The following EYS variants were observed in gnomAD, a reference collection of about 807,000 sequenced individuals.
EYS encodes protein eyes shut homolog.
In EYS, 250 loss-of-function variants were observed where a neutral mutation model predicts 282.1. The ratio of observed to expected loss-of-function variants is 0.89; its 90% CI spans 0.80 to 0.98. The LOEUF (loss-of-function observed/expected upper bound fraction) is 0.98. EYS is among the 50% of genes least tolerant of loss of function. The pLI, the probability that EYS is intolerant of heterozygous loss-of-function variation, is 0.00. For missense variants in EYS, 4,016 were observed against 3,709.0 expected (o/e 1.08, Z -2.15); for synonymous variants, 1,355 against 1,282.9 (o/e 1.06, Z -1.20).
At chr6:64,955,720 C>T (rs1769680968) in intron 14 of EYS, among the ~76,000 whole-genome samples, 1 of 152,154 alleles carries the variant, frequency 6.6e-6, no homozygotes, top group Non-Finnish European at 1.5e-5. Flanking sequence ...ATGGTCTACT[C>T]CAGATATGCA....
In EYS at chr6:64,435,276, C is replaced by G. The variant is rs560584786; in HGVS notation, c.5927+898G>C. ...GGGAGTAGATATGATGTAGGCTTTCCTCAATTTATTTGATGATACATTATT... is the reference window on the plus strand; with the variant it reads ...GGGAGTAGATATGATGTAGGCTTTCGTCAATTTATTTGATGATACATTATT... On this transcript the variant is annotated intron_variant, in intron 28 of 42. Coordinates refer to ENST00000503581, the MANE Select transcript of EYS (RefSeq NM_001142800.2). Among the ~76,000 whole-genome samples, 4 of 151,680 alleles carry G rather than the reference C, an allele frequency of 2.6e-5. No homozygotes were observed. The South Asian group carries it at 8.3e-4, about 32-fold the overall frequency.
At chr6:64,491,556 T>C (rs548573303) in intron 26 of EYS, among the ~76,000 whole-genome samples, 9 of 151,192 alleles carry the variant, frequency 6.0e-5, no homozygotes, top group Non-Finnish European at 1.0e-4. Flanking sequence ...TACATTTCTT[T>C]GTGCCAGTAC....
intron 22 of EYS, among the ~76,000 whole-genome samples, chr6:64,690,782 G>A (rs561276214): frequency 6.6e-6 from 1 of 151,774 alleles, no homozygotes; most frequent in East Asian, 1.9e-4. Flanking sequence ...TGAATAATGA[G>A]AACACTTGGA....
chr6:63,849,463 C>T (rs1325191156), intron 36 of EYS, among the ~76,000 whole-genome samples: 1 of 152,094 alleles, frequency 6.6e-6, no homozygotes, highest in Non-Finnish European at 1.5e-5. Flanking sequence ...GTCTGGTGCC[C>T]CTCTGGGATG....
At chr6:63,960,948 T>A (rs1766031309) in intron 35 of EYS, among the ~76,000 whole-genome samples, 1 of 152,168 alleles carries the variant, frequency 6.6e-6, no homozygotes, top group Admixed American at 6.6e-5. Flanking sequence ...CCAAGGTATG[T>A]CTGTAAATAA....
chr6:65,309,161 C>G (rs567355555), intron 11 of EYS, among the ~76,000 whole-genome samples: 14 of 152,208 alleles, frequency 9.2e-5, no homozygotes, highest in African/African-American at 3.4e-4. Flanking sequence ...GATATTCTTT[C>G]GTCAGATTTC....
intron 19 of EYS, among the ~76,000 whole-genome samples, chr6:64,841,967 C>T (rs1466508778): frequency 6.6e-6 from 1 of 152,018 alleles, no homozygotes; most frequent in Non-Finnish European, 1.5e-5. Flanking sequence ...TGTCAATAAG[C>T]CCAATTTCTT....
intron 26 of EYS, among the ~76,000 whole-genome samples, chr6:64,495,260 G>A (rs1776854579): frequency 6.6e-6 from 1 of 151,622 alleles, no homozygotes; most frequent in South Asian, 2.1e-4. Context: ...TAATATCCAT[G>A]GAGCCAGGAG....
At chr6:65,297,859 C>T (rs1184012180) in intron 11 of EYS, among the ~76,000 whole-genome samples, 1 of 152,054 alleles carries the variant, frequency 6.6e-6, no homozygotes, top group Non-Finnish European at 1.5e-5. Context: ...AAATTGTTGG[C>T]CTGTGCTAGG....
intron 26 of EYS, among the ~76,000 whole-genome samples, chr6:64,444,786 A>G (rs867922854): frequency 2.0e-5 from 3 of 152,166 alleles, no homozygotes; most frequent in South Asian, 2.1e-4. Flanking sequence ...GCTTGGTGCC[A>G]TCTTCACAGT....
chr6:65,687,632 A>T (rs1282515105), intron 1 of EYS, among the ~76,000 whole-genome samples: 1 of 152,172 alleles, frequency 6.6e-6, no homozygotes, highest in Non-Finnish European at 1.5e-5. Flanking sequence ...GGAAAAGAGG[A>T]AGTCAAATTG....
At chr6:64,016,795 G>T (rs1421853382) in intron 33 of EYS, among the ~76,000 whole-genome samples, 1 of 152,058 alleles carries the variant, frequency 6.6e-6, no homozygotes, top group Non-Finnish European at 1.5e-5. Flanking sequence ...TTTCTAATGA[G>T]GGTATTGTAC....
At chr6:63,750,852 A>T (rs1229963591) in intron 41 of EYS, among the ~76,000 whole-genome samples, 1 of 152,166 alleles carries the variant, frequency 6.6e-6, no homozygotes, top group African/African-American at 2.4e-5. Flanking sequence ...TCCACATATT[A>T]TTGTTAATTT....
intron 5 of EYS, among the ~76,000 whole-genome samples, chr6:65,416,463 G>A (rs1432528788): frequency 6.6e-6 from 1 of 151,848 alleles, no homozygotes; most frequent in Non-Finnish European, 1.5e-5. Flanking sequence ...ATAATTTGAA[G>A]TAAAATATTT....
At chr6:64,499,849 T>A (rs1424760796) in intron 26 of EYS, among the ~76,000 whole-genome samples, 4 of 152,150 alleles carry the variant, frequency 2.6e-5, no homozygotes, top group African/African-American at 4.8e-5. Context: ...TTTCTTATAG[T>A]TTGATCATTT....
At chr6:65,186,888 G>A (rs1765528853) in intron 12 of EYS, among the ~76,000 whole-genome samples, 1 of 151,662 alleles carries the variant, frequency 6.6e-6, no homozygotes, top group Non-Finnish European at 1.5e-5. Context: ...TAAATAAACA[G>A]GTTTTGTTTA....
intron 28 of EYS, among the ~76,000 whole-genome samples, chr6:64,399,927 A>G (rs1773491729): frequency 1.3e-5 from 2 of 151,938 alleles, no homozygotes; most frequent in South Asian, 4.1e-4. Context: ...TCTCTCTCAA[A>G]TAGTATTAGC....
intron 12 of EYS, among the ~76,000 whole-genome samples, chr6:65,206,582 A>G (rs1293881424): frequency 6.6e-6 from 1 of 151,802 alleles, no homozygotes; most frequent in Non-Finnish European, 1.5e-5. Context: ...AACACCAAAA[A>G]TAACTACAGA....
chr6:63,748,799 G>A (rs1442510063), intron 41 of EYS, among the ~76,000 whole-genome samples: 1 of 152,088 alleles, frequency 6.6e-6, no homozygotes, highest in African/African-American at 2.4e-5. Flanking sequence ...ATTCTCTGAT[G>A]ATTATTTGTA....
Sources: allele counts gnomAD v4.1 joint callset (sites outside exome capture counted in the v4.1 genomes callset), GRCh38; gene constraint gnomAD v4.1.1; transcripts MANE v1.5; gene names NCBI Gene and HGNC (gene_info 2026-07-23, HGNC 2026-07-21).